SCUBE1: variants seen among roughly 807,000 people sequenced by gnomAD.
The protein encoded by SCUBE1 is signal peptide, CUB and EGF-like domain-containing protein 1.
In SCUBE1, 59 loss-of-function variants were observed where a neutral mutation model predicts 124.4. The ratio of observed to expected loss-of-function variants is 0.47; its 90% CI spans 0.38 to 0.59. The LOEUF (loss-of-function observed/expected upper bound fraction) is 0.59, where lower values mean the gene tolerates loss of function less well. Among genes scored for constraint, SCUBE1 ranks in the 20% least tolerant of loss-of-function variants. SCUBE1 has a pLI of 0.00. For synonymous variants in SCUBE1, 545 were observed against 550.9 expected (o/e 0.99, Z 0.15); for missense variants, 1,150 against 1,371.2 (o/e 0.84, Z 2.55).
At chr22:43,229,294 T>A (rs1383911238) in intron 8 of SCUBE1, 106 bp from the exon 9 acceptor site, 4 of 816,472 alleles carry the variant, frequency 4.9e-6, no homozygotes, top group Non-Finnish European at 8.5e-6. Context: ...GGACACACAG[T>A]CCCTGGGCGC....
intron 9 of SCUBE1, 45 bp downstream of exon 9, chr22:43,229,027 C>A (rs372966485): frequency 1.8e-5 from 25 of 1,415,652 alleles, no homozygotes; most frequent in African/African-American, 2.8e-5. Context: ...TGCGGCCAGG[C>A]GCGTGCCTCG....
intron 14 of SCUBE1, 57 bp from the exon 15 acceptor site, chr22:43,218,515 T>C: frequency 6.4e-7 from 1 of 1,573,286 alleles, no homozygotes; most frequent in African/African-American, 1.3e-5. Context: ...AGCCGCTGCC[T>C]TCTTAGCTGA....
chr22:43,268,777 T>G (rs1042093290), intron 4 of SCUBE1, among the ~76,000 whole-genome samples: 4 of 152,178 alleles, frequency 2.6e-5, no homozygotes, highest in Non-Finnish European at 5.9e-5. Flanking sequence ...GACTTCGTAC[T>G]GGCCAGAAGG....
chr22:43,230,280 C>T (rs1395314950), intron 8 of SCUBE1, among the ~76,000 whole-genome samples: 2 of 152,062 alleles, frequency 1.3e-5, no homozygotes, highest in African/African-American at 4.8e-5. Context: ...CCCTCCCCTC[C>T]TAGGAGCCAC....
chr22:43,228,553 TC>T (rs978913114), intron 9 of SCUBE1, among the ~76,000 whole-genome samples: 3 of 152,160 alleles, frequency 2.0e-5, no homozygotes, highest in Admixed American at 6.5e-5. Flanking sequence ...GCGCCCCCTA[TC>T]CGCATCTTCC....
chr22:43,291,012 G>T, intron 4 of SCUBE1, 34 bp downstream of exon 4: 2 of 1,543,364 alleles, frequency 1.3e-6, no homozygotes, highest in East Asian at 2.3e-5. Flanking sequence ...CATCCTGGGG[G>T]GGGACATGCC....
chr22:43,222,807 G>A, intron 11 of SCUBE1, 65 bp from the exon 12 acceptor site: 1 of 1,291,516 alleles, frequency 7.7e-7, no homozygotes, highest in Non-Finnish European at 1.1e-6. Flanking sequence ...TCAGATTCTT[G>A]GGGCCTCAGA....
intron 2 of SCUBE1, among the ~76,000 whole-genome samples, chr22:43,323,588 A>ACATCCATC (rs56143728): frequency 0.021 from 3,163 of 148,702 alleles, 30 homozygotes; most frequent in East Asian, 0.031. Context: ...ACCCATCCAA[A>ACATCCATC]CATCCATCCA....
chr22:43,233,117 C>G (rs998895840), intron 7 of SCUBE1, among the ~76,000 whole-genome samples: 3 of 152,356 alleles, frequency 2.0e-5, no homozygotes, highest in African/African-American at 7.2e-5. Flanking sequence ...GTAATCCCAG[C>G]ACTTTAGAAG....
At chr22:43,206,651 A>AAAGAGGTGGGGGAAAG (rs1555986295) in intron 21 of SCUBE1, among the ~76,000 whole-genome samples, 3 of 150,982 alleles carry the variant, frequency 2.0e-5, no homozygotes, top group African/African-American at 7.3e-5. Flanking sequence ...GAGGTGGGGG[A>AAAGAGGTGGGGGAAAG]AAGAAGGGGC....
chr22:43,255,584 C>T lies in SCUBE1; in HGVS notation c.727+2635G>A, dbSNP rs970229212. The T allele has an allele frequency of 1.9e-4, 291 of 1,549,760 alleles. No individual in the cohort carries two copies. The highest frequency in any genetic ancestry group is 2.4e-4 in the Non-Finnish European group (270 of 1,146,460). ...ATTGCAGCCTCATCCTTCTCTAAAA[C>T]ACAAGTAAGGGACAAACACGGAGCC... On this transcript the variant is annotated intron_variant, in intron 6 of 21. Transcript: ENST00000360835. The surrounding 1 kb of genome is among the most constrained non-coding windows in gnomAD (Gnocchi z 4.7).
At chr22:43,269,028 T>C (rs576835076) in intron 4 of SCUBE1, among the ~76,000 whole-genome samples, 6 of 152,272 alleles carry the variant, frequency 3.9e-5, no homozygotes, top group African/African-American at 1.4e-4. Flanking sequence ...AAGTGATGTA[T>C]GAACTTGGGC....
chr22:43,288,492 C>T (rs966092565), intron 4 of SCUBE1, among the ~76,000 whole-genome samples: 8 of 152,204 alleles, frequency 5.3e-5, no homozygotes, highest in South Asian at 2.1e-4. Flanking sequence ...CTCCCCGCCT[C>T]GGGCTCCTCC....
At chr22:43,312,935 T>C (rs1156873914) in intron 3 of SCUBE1, among the ~76,000 whole-genome samples, 1 of 152,190 alleles carries the variant, frequency 6.6e-6, no homozygotes, top group Non-Finnish European at 1.5e-5. Context: ...CAGGGCAGGC[T>C]TACAGGCTGA....
chr22:43,240,523 G>C (rs1922961933), intron 6 of SCUBE1, among the ~76,000 whole-genome samples: 1 of 152,206 alleles, frequency 6.6e-6, no homozygotes, highest in South Asian at 2.1e-4. Context: ...ATGCCCTCTG[G>C]GCCATCTACT....
rs953566251 is a variant in SCUBE1, at chr22:43,315,390, A to G, written c.349+4547T>C. Among the ~76,000 whole-genome samples the G allele has an allele frequency of 2.6e-5, 4 of 152,216 alleles. No homozygotes were observed. In the South Asian group the frequency reaches 8.3e-4, roughly 32 times the overall value. On this transcript the variant is annotated intron_variant, in intron 3 of 21. Coordinates refer to ENST00000360835, the MANE Select transcript of SCUBE1 (RefSeq NM_173050.5). ...GCCTAAATCTTCAAACTCCAAGCCC[A>G]GCTGACTCTTACAGCATGATTTATT...
intron 10 of SCUBE1, among the ~76,000 whole-genome samples, chr22:43,226,489 CG>C (rs1922311816): frequency 1.3e-5 from 2 of 151,924 alleles, no homozygotes; most frequent in Non-Finnish European, 2.9e-5. Context: ...GGAGGCCCTG[CG>C]AAGTCAGTGA....
intron 16 of SCUBE1, 43 bp downstream of exon 16, chr22:43,214,047 G>GGGGCCCCCCCC: frequency 1.4e-5 from 2 of 143,440 alleles, no homozygotes; most frequent in Non-Finnish European, 1.3e-5. Flanking sequence ...AGGAGCCCCC[G>GGGGCCCCCCCC]CCCACCCCCC....
At chr22:43,284,232 C>G (rs1427532404) in intron 4 of SCUBE1, among the ~76,000 whole-genome samples, 1 of 152,234 alleles carries the variant, frequency 6.6e-6, no homozygotes, top group Non-Finnish European at 1.5e-5. Context: ...CAACCATTTT[C>G]TGTCTCCGTA....
Sources: gnomAD v4.1 joint callset for allele counts (sites outside exome capture counted in the v4.1 genomes callset) on GRCh38, gnomAD v4.1.1 for gene constraint, Gnocchi (gnomAD v3.1) non-coding constraint, MANE v1.5 for transcripts, NCBI Gene and HGNC (gene_info 2026-07-23, HGNC 2026-07-21) for gene names.